Variants in CDH18 observed in about 807,000 individuals in gnomAD.
CDH18 encodes cadherin-18.
In CDH18, 31 loss-of-function variants were observed where a neutral mutation model predicts 67.9. The observed-to-expected ratio is 0.46, with a 90% CI of 0.34 to 0.62. CDH18 has a LOEUF of 0.62. Among genes scored for constraint, CDH18 ranks in the 20% least tolerant of loss-of-function variants. The pLI is 0.01. For synonymous variants in CDH18, 362 were observed against 347.2 expected (o/e 1.04, Z -0.48); for missense variants, 890 against 975.5 (o/e 0.91, Z 1.17).
chr5:19,881,897 T>G (rs1368900134), intron 2 of CDH18, among the ~76,000 whole-genome samples: 1 of 152,122 alleles, frequency 6.6e-6, no homozygotes, highest in Non-Finnish European at 1.5e-5. Context: ...TGTATTCTAT[T>G]ATAACCATGT....
At chr5:19,959,346 C>T (rs7716377) in intron 2 of CDH18, among the ~76,000 whole-genome samples, 18,901 of 151,720 alleles carry the variant, frequency 0.12, 3,418 homozygotes, top group African/African-American at 0.4. Flanking sequence ...AGAAGATATA[C>T]TAATGTATAT....
chr5:20,160,330 C>G (rs1751879752), intron 2 of CDH18, among the ~76,000 whole-genome samples: 1 of 152,162 alleles, frequency 6.6e-6, no homozygotes, highest in Admixed American at 6.5e-5. Flanking sequence ...AAACTTTCTA[C>G]CTAAGACTGA....
intron 2 of CDH18, among the ~76,000 whole-genome samples, chr5:19,890,986 G>A (rs928660788): frequency 6.6e-6 from 1 of 152,128 alleles, no homozygotes; most frequent in African/African-American, 2.4e-5. Context: ...CTATTAATGG[G>A]TGAACTATCT....
At chr5:20,123,823 C>T (rs1016306090) in intron 2 of CDH18, among the ~76,000 whole-genome samples, 3 of 143,686 alleles carry the variant, frequency 2.1e-5, no homozygotes, top group African/African-American at 7.8e-5. Flanking sequence ...GGAGGCGGAG[C>T]TTGCAGTGAG....
At chr5:19,600,503 C>T (rs1746953359) in intron 6 of CDH18, among the ~76,000 whole-genome samples, 1 of 149,786 alleles carries the variant, frequency 6.7e-6, no homozygotes, top group Non-Finnish European at 1.5e-5. Flanking sequence ...TCTCCTCACT[C>T]CTCTAAATTA....
chr5:19,559,772 G>A (rs530672216), intron 8 of CDH18, among the ~76,000 whole-genome samples: 1 of 151,970 alleles, frequency 6.6e-6, no homozygotes, highest in East Asian at 1.9e-4. Flanking sequence ...AAAGACTCAT[G>A]CAAAAAGCTC....
chr5:20,185,697 C>T (rs1241780927), intron 2 of CDH18, among the ~76,000 whole-genome samples: 2 of 152,020 alleles, frequency 1.3e-5, no homozygotes, highest in Non-Finnish European at 2.9e-5. Context: ...GAAGATACCT[C>T]CTGTGACTTA....
rs115326043 is a variant in CDH18 at position 20,053,513 on chromosome 5, C to T, written c.-517-61499G>A. On this transcript the variant is annotated intron_variant, in intron 2 of 14. Coordinates refer to the CDH18 transcript ENST00000507958. ...CTATCTCAGTTCATGCTAACTACAT[C>T]TTTCCAGTAAATCAGACTGAGTATC... Among the ~76,000 whole-genome samples, 268 of 152,236 alleles carry T rather than the reference C, an allele frequency of 1.8e-3. 1 individual carries two copies. Among genetic ancestry groups the T allele is most frequent in the African/African-American group, 6.2e-3 (258 of 41,560 alleles).
At chr5:20,487,828 T>A (rs1753298310) in intron 1 of CDH18, among the ~76,000 whole-genome samples, 1 of 152,056 alleles carries the variant, frequency 6.6e-6, no homozygotes, top group Non-Finnish European at 1.5e-5. Context: ...TTAAATCACA[T>A]CTCCATGACA....
intron 1 of CDH18, among the ~76,000 whole-genome samples, chr5:20,460,817 A>G (rs1406559404): frequency 1.3e-5 from 2 of 152,236 alleles, no homozygotes; most frequent in Non-Finnish European, 2.9e-5. Flanking sequence ...TTTCAAAATA[A>G]TAACGATACA....
chr5:19,687,710 G>T (rs1761303616), intron 5 of CDH18, among the ~76,000 whole-genome samples: 1 of 152,200 alleles, frequency 6.6e-6, no homozygotes, highest in East Asian at 1.9e-4. Flanking sequence ...CATCTCCAGA[G>T]CATGAAGCGT....
chr5:20,066,530 C>T (rs972566993), intron 2 of CDH18, among the ~76,000 whole-genome samples: 1 of 151,942 alleles, frequency 6.6e-6, no homozygotes. Context: ...AAAGGACTAC[C>T]ATTAAGGTGG....
At chr5:20,143,423 A>C (rs1321788611) in intron 2 of CDH18, among the ~76,000 whole-genome samples, 4 of 152,054 alleles carry the variant, frequency 2.6e-5, no homozygotes, top group Non-Finnish European at 4.4e-5. Context: ...GCTGGAGTGC[A>C]GTGACACAAT....
At chr5:19,850,689 C>T (rs925305535) in intron 2 of CDH18, among the ~76,000 whole-genome samples, 6 of 151,766 alleles carry the variant, frequency 4.0e-5, no homozygotes, top group Non-Finnish European at 8.8e-5. Context: ...ATCTATTTTG[C>T]TTTCAGTCTC....
At chr5:19,928,994 A>G (rs900438634) in intron 2 of CDH18, among the ~76,000 whole-genome samples, 14 of 152,080 alleles carry the variant, frequency 9.2e-5, no homozygotes, top group Non-Finnish European at 1.6e-4. Flanking sequence ...ACACATACAC[A>G]TCGTTTTCAT....
chr5:19,658,433 A>G (rs952482467), intron 5 of CDH18, among the ~76,000 whole-genome samples: 1 of 152,086 alleles, frequency 6.6e-6, no homozygotes, highest in Admixed American at 6.6e-5. Context: ...TAGTTTCCCA[A>G]ACTCTAAAAG....
At chr5:20,164,732 T>G (rs147053443) in intron 2 of CDH18, among the ~76,000 whole-genome samples, 1 of 152,336 alleles carries the variant, frequency 6.6e-6, no homozygotes, top group East Asian at 1.9e-4. Context: ...AATTTATATT[T>G]AGATGTAACT....
intron 1 of CDH18, among the ~76,000 whole-genome samples, chr5:20,379,231 G>C (rs1487861556): frequency 1.3e-5 from 2 of 152,146 alleles, no homozygotes; most frequent in African/African-American, 4.8e-5. Flanking sequence ...CTTATATTAT[G>C]TAGCTTTCTT....
At chr5:20,476,429 T>C (rs1008118541) in intron 1 of CDH18, among the ~76,000 whole-genome samples, 3 of 152,156 alleles carry the variant, frequency 2.0e-5, no homozygotes, top group Non-Finnish European at 4.4e-5. Context: ...AAGACTTTTT[T>C]TGAATAATTG....
Sources: gnomAD v4.1 joint callset for allele counts (sites outside exome capture counted in the v4.1 genomes callset) on GRCh38, gnomAD v4.1.1 for gene constraint, MANE v1.5 for transcripts, NCBI Gene and HGNC (gene_info 2026-07-23, HGNC 2026-07-21) for gene names.